The following HDAC9 variants were observed in gnomAD, a reference collection of about 807,000 sequenced individuals.
HDAC9 encodes histone deacetylase 9, also known as MEF-2 interacting transcription repressor (MITR) protein.
Under a neutral mutation model 139.4 loss-of-function variants are expected in HDAC9, and 41 were observed. The ratio of observed to expected loss-of-function variants is 0.29; its 90% CI spans 0.23 to 0.38. The LOEUF is 0.38. Among genes scored for constraint, HDAC9 ranks in the 10% least tolerant of loss-of-function variants. The probability of loss-of-function intolerance (pLI) is 1.00; values close to 1 mark genes in which losing one functional copy is unlikely to be tolerated. For missense variants in HDAC9, 1,147 were observed against 1,297.0 expected (o/e 0.88, Z 1.78); for synonymous variants, 517 against 476.2 (o/e 1.09, Z -1.12).
intron 2 of HDAC9, among the ~76,000 whole-genome samples, chr7:18,218,219 G>A (rs146989556): frequency 7.0e-4 from 107 of 152,182 alleles, no homozygotes; most frequent in African/African-American, 2.1e-3. Flanking sequence ...TGAGGTGGGC[G>A]GATCACTTGA....
intron 1 of HDAC9, among the ~76,000 whole-genome samples, chr7:18,299,260 G>T (rs1798376090): frequency 6.9e-6 from 1 of 144,914 alleles, no homozygotes; most frequent in Admixed American, 6.9e-5. Context: ...AAAATTTGAA[G>T]TATTTTTTGC....
chr7:18,360,165 T>C (rs1355207765), intron 1 of HDAC9, among the ~76,000 whole-genome samples: 1 of 152,224 alleles, frequency 6.6e-6, no homozygotes, highest in Non-Finnish European at 1.5e-5. Flanking sequence ...GAGATTAATC[T>C]CCAGTCCTAA....
At chr7:18,894,476 G>A (rs902718995) in intron 22 of HDAC9, among the ~76,000 whole-genome samples, 1 of 152,092 alleles carries the variant, frequency 6.6e-6, no homozygotes, top group African/African-American at 2.4e-5. Context: ...GGTCAAGTAA[G>A]ATAAAAACTG....
chr7:18,688,534 AAT>A (rs1367304234), intron 12 of HDAC9, among the ~76,000 whole-genome samples: 1 of 151,860 alleles, frequency 6.6e-6, no homozygotes, highest in Non-Finnish European at 1.5e-5. Flanking sequence ...TTTATTCTCT[AAT>A]AGTTTTCATT....
intron 2 of HDAC9, among the ~76,000 whole-genome samples, chr7:18,254,940 A>T (rs992998700): frequency 6.6e-6 from 1 of 152,198 alleles, no homozygotes; most frequent in Non-Finnish European, 1.5e-5. Flanking sequence ...CATTTTTTAT[A>T]TTTGATATGT....
At chr7:18,386,191 C>T (rs28740810) in intron 1 of HDAC9, among the ~76,000 whole-genome samples, 5,188 of 152,198 alleles carry the variant, frequency 0.034, 304 homozygotes, top group African/African-American at 0.12. Flanking sequence ...CTTGTTTGCA[C>T]CTCTGACACC....
At chr7:18,770,212 C>A (rs1218466833) in intron 16 of HDAC9, among the ~76,000 whole-genome samples, 1 of 152,100 alleles carries the variant, frequency 6.6e-6, no homozygotes, top group Non-Finnish European at 1.5e-5. Context: ...GCAACAATGT[C>A]AAGGTTTCTG....
At chr7:18,728,977 A>G (rs1785798541) in intron 13 of HDAC9, among the ~76,000 whole-genome samples, 1 of 152,166 alleles carries the variant, frequency 6.6e-6, no homozygotes, top group African/African-American at 2.4e-5. Context: ...TACTTCCAGG[A>G]GCATAGCAAA....
chr7:18,104,100 A>T (rs1783035371), intron 1 of HDAC9, among the ~76,000 whole-genome samples: 1 of 152,198 alleles, frequency 6.6e-6, no homozygotes, highest in South Asian at 2.1e-4. Context: ...CCCAGAGAAA[A>T]CCCGTGCAGA....
At chr7:18,388,663 C>T (rs1436442873) in intron 1 of HDAC9, among the ~76,000 whole-genome samples, 1 of 152,112 alleles carries the variant, frequency 6.6e-6, no homozygotes, top group African/African-American at 2.4e-5. Flanking sequence ...TCTTTCCATG[C>T]CCCGTGCTTC....
intron 1 of HDAC9, among the ~76,000 whole-genome samples, chr7:18,425,771 G>C (rs1790059817): frequency 6.6e-6 from 1 of 152,154 alleles, no homozygotes; most frequent in South Asian, 2.1e-4. Context: ...CAAGGTTTGG[G>C]CCCTTTCTAG....
chr7:18,617,970 A>C (rs1370866182), intron 6 of HDAC9, among the ~76,000 whole-genome samples: 1 of 152,200 alleles, frequency 6.6e-6, no homozygotes, highest in Non-Finnish European at 1.5e-5. Context: ...ACAAGGAAAC[A>C]AAATTTTTCA....
intron 7 of HDAC9, among the ~76,000 whole-genome samples, chr7:18,633,731 G>T (rs373174594): frequency 3.9e-4 from 59 of 152,092 alleles, no homozygotes; most frequent in African/African-American, 1.4e-3. Flanking sequence ...TGTAGAAGGT[G>T]GTAGGGAATT....
intron 22 of HDAC9, among the ~76,000 whole-genome samples, chr7:18,934,499 GTAAC>G (rs1175402124): frequency 2.0e-5 from 3 of 152,098 alleles, no homozygotes; most frequent in Non-Finnish European, 4.4e-5. Context: ...ATTAATTAAT[GTAAC>G]TAACAGCACT....
At chr7:18,596,266 C>T (rs1039271901) in intron 6 of HDAC9, among the ~76,000 whole-genome samples, 1 of 152,010 alleles carries the variant, frequency 6.6e-6, no homozygotes. Flanking sequence ...TTAAAATATT[C>T]CTTAATTCAA....
At chr7:18,908,471 A>C (rs1802467678) in intron 22 of HDAC9, among the ~76,000 whole-genome samples, 1 of 152,082 alleles carries the variant, frequency 6.6e-6, no homozygotes, top group South Asian at 2.1e-4. Context: ...ACAGTGTTGT[A>C]AAACGCTAGA....
chr7:18,457,988 T>G (rs756829498), intron 1 of HDAC9, among the ~76,000 whole-genome samples: 1 of 152,166 alleles, frequency 6.6e-6, no homozygotes, highest in African/African-American at 2.4e-5. Flanking sequence ...CTATCTGAGG[T>G]TGTGTATGGC....
At chr7:18,478,106 C>G (rs898585956) in intron 1 of HDAC9, among the ~76,000 whole-genome samples, 1 of 151,604 alleles carries the variant, frequency 6.6e-6, no homozygotes, top group Non-Finnish European at 1.5e-5. Context: ...GAGTCTTGCT[C>G]TGTCGCCCAG....
chr7:18,808,483 A>G (rs1439945728), intron 17 of HDAC9, among the ~76,000 whole-genome samples: 2 of 152,298 alleles, frequency 1.3e-5, no homozygotes, highest in South Asian at 2.1e-4. Context: ...TATAGGATAC[A>G]AATCACATAC....
Sources: allele counts gnomAD v4.1 joint callset (sites outside exome capture counted in the v4.1 genomes callset), GRCh38; gene constraint gnomAD v4.1.1; transcripts MANE v1.5; gene names NCBI Gene and HGNC (gene_info 2026-07-23, HGNC 2026-07-21).